Variants in NEK6 observed in about 807,000 individuals in gnomAD.
The protein encoded by NEK6 is serine/threonine-protein kinase Nek6.
A neutral mutation model predicts 43.5 loss-of-function variants in NEK6; 27 were observed. That is an observed-to-expected ratio of 0.62 (90% CI 0.46 to 0.86). NEK6 has a LOEUF of 0.86. NEK6 is among the 40% of genes least tolerant of loss of function. The probability of loss-of-function intolerance (pLI) is 0.00; values close to 1 mark genes in which losing one functional copy is unlikely to be tolerated. For synonymous variants in NEK6, 167 were observed against 164.1 expected, an observed-to-expected ratio of 1.02 and a Z score of -0.14; for missense variants, 318 against 414.4, an observed-to-expected ratio of 0.77 and a Z score of 2.02.
intron 1 of NEK6, among the ~76,000 whole-genome samples, chr9:124,290,694 G>A (rs1034097194): frequency 6.6e-6 from 1 of 152,228 alleles, no homozygotes; most frequent in Admixed American, 6.5e-5. Flanking sequence ...GTGGCGGGGG[G>A]TCTGTCTGGC....
intron 7 of NEK6, among the ~76,000 whole-genome samples, chr9:124,331,930 G>A (rs192517754): frequency 8.3e-4 from 126 of 152,312 alleles, no homozygotes; most frequent in Middle Eastern, 6.8e-3. Flanking sequence ...TCAGTCCCTC[G>A]GGCCCAGAAT....
At chr9:124,331,401 C>T (rs1302146255) in intron 7 of NEK6, among the ~76,000 whole-genome samples, 1 of 152,124 alleles carries the variant, frequency 6.6e-6, no homozygotes, top group Non-Finnish European at 1.5e-5. Context: ...ACCCAGTAGC[C>T]AGATACCAGA....
intron 1 of NEK6, among the ~76,000 whole-genome samples, chr9:124,280,677 A>G (rs1388318835): frequency 6.6e-6 from 1 of 152,108 alleles, no homozygotes; most frequent in East Asian, 1.9e-4. Context: ...GGCATCTGGC[A>G]CCTCGCTCTG....
At chr9:124,291,858 C>T in intron 1 of NEK6, 1 of 985,460 alleles carries the variant, frequency 1.0e-6, no homozygotes, top group Non-Finnish European at 1.2e-6. Flanking sequence ...GAGGTGGCAG[C>T]CGGAGCTATT....
At chr9:124,278,660 A>G (rs1831752579) in intron 1 of NEK6, among the ~76,000 whole-genome samples, 1 of 152,204 alleles carries the variant, frequency 6.6e-6, no homozygotes, top group Non-Finnish European at 1.5e-5. Flanking sequence ...TTTAGGTTGA[A>G]TGGGCGCATG....
At chr9:124,320,692 T>A (rs1340103850) in intron 4 of NEK6, among the ~76,000 whole-genome samples, 8 of 152,236 alleles carry the variant, frequency 5.3e-5, no homozygotes, top group Admixed American at 1.3e-4. Context: ...TCCAGCTCCA[T>A]GCTCCACTGC....
In NEK6 at chr9:124,275,192, T is replaced by TG. The variant is rs1831604690; in HGVS notation, c.-30+17109dup. On this transcript the variant is annotated intron_variant, in intron 1 of 9. Coordinates refer to ENST00000320246, the MANE Select transcript of NEK6 (RefSeq NM_014397.6). This position sits in a 1 kb window ranked among gnomAD's most constrained non-coding sequence, Gnocchi z 4.4. ...CTGCAGCCCCCAAAGAGCCAACAGT[T>TG]GGAATCCTACAGTGAATGTTTTTAA... Among the ~76,000 whole-genome samples, 1 of 152,232 alleles carries TG rather than the reference T, an allele frequency of 6.6e-6. No individual in the cohort carries two copies. Among genetic ancestry groups the TG allele is most frequent in the Non-Finnish European group, 1.5e-5 (1 of 68,042 alleles).
At chr9:124,312,888 G>A (rs1361982670) in intron 3 of NEK6, among the ~76,000 whole-genome samples, 1 of 152,214 alleles carries the variant, frequency 6.6e-6, no homozygotes, top group African/African-American at 2.4e-5. Flanking sequence ...GTCATGCAAG[G>A]AGCACATGGA....
At chr9:124,299,601 G>T (rs1406002652) in intron 1 of NEK6, among the ~76,000 whole-genome samples, 1 of 152,140 alleles carries the variant, frequency 6.6e-6, no homozygotes, top group Non-Finnish European at 1.5e-5. Flanking sequence ...TGCATTTGAG[G>T]GCTTGGCAGG....
chr9:124,333,982 T>G (rs1829160417), intron 7 of NEK6, among the ~76,000 whole-genome samples: 1 of 152,150 alleles, frequency 6.6e-6, no homozygotes, highest in Admixed American at 6.5e-5. Context: ...TTTCACCATG[T>G]TAGCCAGGAT....
intron 1 of NEK6, among the ~76,000 whole-genome samples, chr9:124,272,569 G>A (rs1831489838): frequency 1.3e-5 from 2 of 152,246 alleles, no homozygotes; most frequent in African/African-American, 4.8e-5. Flanking sequence ...CCAGCGTCCT[G>A]GGAAGGCCTC....
intron 9 of NEK6, 85 bp downstream of exon 9, chr9:124,347,907 G>A: frequency 1.3e-6 from 1 of 777,998 alleles, no homozygotes. Context: ...CACAGCTGTG[G>A]GGCTGAGGTT....
rs1217992237 is a variant in NEK6 at position 124,310,438 on chromosome 9, G to A, written c.91-2071G>A. On this transcript the variant is annotated intron_variant, in intron 2 of 9. Transcript: ENST00000320246. ...TCCTCCTCCAGCAGCCCTCCAGATC[G>A]GGTCCTCTGGCAGGACCCACCATGA... Among the ~76,000 whole-genome samples, 4 of 152,254 alleles carry A rather than the reference G, an allele frequency of 2.6e-5. No individual in the cohort carries two copies. In the South Asian group the frequency reaches 6.2e-4, roughly 24 times the overall value.
Position 124,344,874 on chromosome 9 carries a change from C to T in NEK6, c.718-2835C>T, listed in dbSNP as rs1056258628. Among the ~76,000 whole-genome samples, 8 of 152,196 alleles carry T rather than the reference C, an allele frequency of 5.3e-5. No homozygotes were observed. In the South Asian group the frequency reaches 8.3e-4, roughly 16 times the overall value. On this transcript the variant is annotated intron_variant, in intron 8 of 9. Coordinates refer to ENST00000320246, the MANE Select transcript of NEK6 (RefSeq NM_014397.6). Reference sequence around the variant, plus strand: ...ACGCCGCTTTGGAATGCTGCTTGGACGGCAGAGAGGCCTGGACGCCCCTCC... The same window carrying T: ...ACGCCGCTTTGGAATGCTGCTTGGATGGCAGAGAGGCCTGGACGCCCCTCC...
intron 1 of NEK6, chr9:124,292,886 G>A: frequency 6.8e-7 from 1 of 1,476,044 alleles, no homozygotes; most frequent in Admixed American, 2.5e-5. Context: ...GCACGGGGGA[G>A]CAGGCTGTGG....
intron 1 of NEK6, chr9:124,292,124 C>G (rs1215932247): frequency 9.0e-7 from 1 of 1,106,536 alleles, no homozygotes; most frequent in Non-Finnish European, 1.1e-6. Context: ...CTGTGGGAAC[C>G]GCTTGCTCTT....
intron 4 of NEK6, 147 bp downstream of exon 4, chr9:124,314,132 C>A: frequency 9.7e-6 from 7 of 724,076 alleles, no homozygotes; most frequent in Non-Finnish European, 1.6e-5. Context: ...CTAGGGGCAG[C>A]GGCTAGTGAG....
At chr9:124,283,728 C>T (rs1484535268) in intron 1 of NEK6, among the ~76,000 whole-genome samples, 2 of 152,246 alleles carry the variant, frequency 1.3e-5, no homozygotes, top group Non-Finnish European at 2.9e-5. Flanking sequence ...CACCTTTAGG[C>T]CTTTGCACGT....
chr9:124,312,375 C>A (rs1266966400), intron 2 of NEK6, 134 bp from the exon 3 acceptor site: 8 of 1,104,366 alleles, frequency 7.2e-6, no homozygotes, highest in Non-Finnish European at 1.0e-5. Context: ...CTGGGAGGCT[C>A]CCAGAGCAGG....
Sources: gnomAD v4.1 joint callset for allele counts (sites outside exome capture counted in the v4.1 genomes callset) on GRCh38, gnomAD v4.1.1 for gene constraint, Gnocchi (gnomAD v3.1) non-coding constraint, MANE v1.5 for transcripts, NCBI Gene and HGNC (gene_info 2026-07-23, HGNC 2026-07-21) for gene names.